The following ACTL8 variants were observed in gnomAD, a reference collection of about 807,000 sequenced individuals.
The protein encoded by ACTL8 is actin-like protein 8.
ACTL8 carries 3 observed loss-of-function variants against 9.3 expected under a neutral mutation model. The ratio of observed to expected loss-of-function variants is 0.32; its 90% CI spans 0.15 to 0.83. The LOEUF (loss-of-function observed/expected upper bound fraction) is 0.83, where lower values mean the gene tolerates loss of function less well. ACTL8 is among the 40% of genes least tolerant of loss of function. The pLI is 0.57. For synonymous variants in ACTL8, 224 were observed against 205.9 expected (o/e 1.09, Z -0.75); for missense variants, 381 against 492.2 (o/e 0.77, Z 2.14).
intron 1 of ACTL8, among the ~76,000 whole-genome samples, chr1:17,812,590 C>G (rs917492693): frequency 1.5e-5 from 2 of 132,996 alleles, no homozygotes; most frequent in African/African-American, 5.3e-5. Flanking sequence ...CCACCACGCC[C>G]TGTCAATTTT....
chr1:17,778,613 C>T (rs928290287), intron 1 of ACTL8, among the ~76,000 whole-genome samples: 2 of 152,096 alleles, frequency 1.3e-5, no homozygotes, highest in African/African-American at 4.8e-5. Context: ...GCATTCTAGT[C>T]GCACAGCTGT....
chr1:17,797,449 C>A (rs1333054192), intron 1 of ACTL8, among the ~76,000 whole-genome samples: 1 of 152,194 alleles, frequency 6.6e-6, no homozygotes, highest in East Asian at 1.9e-4. Flanking sequence ...GTTCTGCAGA[C>A]AAGAATGTTC....
At chr1:17,821,873 G>T (rs1025095519) in intron 1 of ACTL8, among the ~76,000 whole-genome samples, 1 of 152,094 alleles carries the variant, frequency 6.6e-6, no homozygotes, top group Non-Finnish European at 1.5e-5. Context: ...TGATCTGGCC[G>T]CCTTGGCCTC....
At chr1:17,760,832 G>C (rs904545412) in intron 1 of ACTL8, among the ~76,000 whole-genome samples, 2 of 152,216 alleles carry the variant, frequency 1.3e-5, no homozygotes, top group Non-Finnish European at 2.9e-5. Flanking sequence ...CTGTGCCCCA[G>C]CAAGTCAAGC....
Position 17,826,586 on chromosome 1 carries a change from A to C in ACTL8, c.*67A>C. 1 of 1,165,692 alleles carries C rather than the reference A, an allele frequency of 8.6e-7. No individual in the cohort carries two copies. Among genetic ancestry groups the C allele is most frequent in the Non-Finnish European group, 1.1e-6 (1 of 874,522 alleles). The allele number at this position is 1,165,692 out of a possible 1,614,324, so 72.2% of individuals were successfully genotyped here. A position where few individuals can be genotyped will look rare whatever the true frequency, so the allele number is the denominator to read the frequency against. On this transcript the variant is annotated 3_prime_UTR_variant, in exon 3 of 3. Coordinates refer to ENST00000375406, the MANE Select transcript of ACTL8 (RefSeq NM_030812.3). This position sits in a 1 kb window ranked among gnomAD's most constrained non-coding sequence, Gnocchi z 4.5. Reference sequence around the variant, plus strand: ...GCACGGGCGGATTAATTTTAGCAAAATGTTCTGGGTGGGGGTAGAATGAGG... The same window carrying C: ...GCACGGGCGGATTAATTTTAGCAAACTGTTCTGGGTGGGGGTAGAATGAGG...
rs184301775 is a variant in ACTL8, at chr1:17,805,158, G to A, written c.-24-17827G>A. ...CACACGGGGAAGCACCCACTTCAGG[G>A]CCTTTGCATTTGCCCAGAACCCTGC... On this transcript the variant is annotated intron_variant, in intron 1 of 2. Coordinates refer to ENST00000375406, the MANE Select transcript of ACTL8 (RefSeq NM_030812.3). Among the ~76,000 whole-genome samples, 457 of 152,030 alleles carry A rather than the reference G, an allele frequency of 3.0e-3. 5 individuals carry two copies. Among genetic ancestry groups the A allele is most frequent in the South Asian group, 0.017 (82 of 4,804 alleles).
At chr1:17,807,070 T>C (rs932758848) in intron 1 of ACTL8, among the ~76,000 whole-genome samples, 1 of 152,234 alleles carries the variant, frequency 6.6e-6, no homozygotes, top group Admixed American at 6.5e-5. Flanking sequence ...CGTTGCTGCA[T>C]CTGCACATCT....
rs770657839 is a variant in ACTL8, at chr1:17,820,264, G to A, written c.-24-2721G>A. Among the ~76,000 whole-genome samples, 11 of 152,050 alleles carry A rather than the reference G, an allele frequency of 7.2e-5. No homozygotes were observed. In the East Asian group the frequency reaches 1.4e-3, roughly 19 times the overall value. ...TGGGAATGGAGTCATACAGTTTGTCGTCTTTGGGGTCTGGCTTCTTTCAGC... is the reference window on the plus strand; with the variant it reads ...TGGGAATGGAGTCATACAGTTTGTCATCTTTGGGGTCTGGCTTCTTTCAGC... On this transcript the variant is annotated intron_variant, in intron 1 of 2. Coordinates refer to ENST00000375406, the MANE Select transcript of ACTL8 (RefSeq NM_030812.3).
intron 1 of ACTL8, among the ~76,000 whole-genome samples, chr1:17,759,705 C>T (rs954587548): frequency 1.3e-5 from 2 of 152,236 alleles, no homozygotes; most frequent in South Asian, 2.1e-4. Flanking sequence ...AGGGGCTCTG[C>T]CATAACGCTG....
intron 1 of ACTL8, among the ~76,000 whole-genome samples, chr1:17,781,684 A>G (rs2066155813): frequency 6.6e-6 from 1 of 152,068 alleles, no homozygotes; most frequent in Non-Finnish European, 1.5e-5. Context: ...GTAGACATGA[A>G]TTTTGGGGGA....
chr1:17,770,473 C>T (rs374877455), intron 1 of ACTL8, among the ~76,000 whole-genome samples: 4 of 152,164 alleles, frequency 2.6e-5, no homozygotes, highest in African/African-American at 7.2e-5. Flanking sequence ...TAAGAGCTAC[C>T]GACTTTATCA....
At position 17,767,563 on chromosome 1, in the gene ACTL8, C is replaced by A. The variant is rs879420350; in HGVS notation, c.-25+12059C>A. Reference sequence around the variant, plus strand: ...AGCCCGTGGCTGGGTGCATGGCTCCCGGGCACTGCTCTTTTGTGGCTGCCT... The same window carrying A: ...AGCCCGTGGCTGGGTGCATGGCTCCAGGGCACTGCTCTTTTGTGGCTGCCT... On this transcript the variant is annotated intron_variant, in intron 1 of 2. Coordinates refer to ENST00000375406, the MANE Select transcript of ACTL8 (RefSeq NM_030812.3). The surrounding 1 kb of genome is among the most constrained non-coding windows in gnomAD (Gnocchi z 4.7). Among the ~76,000 whole-genome samples, 3 of 152,126 alleles carry A rather than the reference C, an allele frequency of 2.0e-5. No individual in the cohort carries two copies. The East Asian group carries it at 5.8e-4, about 29-fold the overall frequency.
chr1:17,798,116 A>C (rs543987733), intron 1 of ACTL8, among the ~76,000 whole-genome samples: 90 of 129,330 alleles, frequency 7.0e-4, no homozygotes, highest in African/African-American at 2.6e-3. Flanking sequence ...TCAAGGAATT[A>C]GCTAATTAGG....
chr1:17,780,651 C>T (rs559437516), intron 1 of ACTL8, among the ~76,000 whole-genome samples: 19 of 148,206 alleles, frequency 1.3e-4, no homozygotes, highest in African/African-American at 3.5e-4. Flanking sequence ...GGGTGTGAGC[C>T]GATGGTGACT....
chr1:17,826,159 G>A lies in ACTL8; in HGVS notation c.741G>A (p.Glu247=). 1 of 1,612,782 alleles carries A rather than the reference G, an allele frequency of 6.2e-7. No individual in the cohort carries two copies. The highest frequency in any genetic ancestry group is 1.1e-5 in the South Asian group (1 of 91,080). ...TYQLPDGSRV[E]LTPMQRVAPE... ...AGCTCCCAGACGGCTCCCGCGTGGA[G>A]CTGACCCCCATGCAGCGGGTGGCTC... Residue 247 remains glutamate, a synonymous_variant, in exon 3 of 3, where the codon GAG becomes GAA. Transcript: ENST00000375406. The surrounding 1 kb of genome is among the most constrained non-coding windows in gnomAD (Gnocchi z 4.5).
Position 17,809,710 on chromosome 1 carries a change from G to A in ACTL8, c.-24-13275G>A, listed in dbSNP as rs756585394. Among the ~76,000 whole-genome samples the A allele has an allele frequency of 4.6e-5, 7 of 151,742 alleles. No homozygotes were observed. In the East Asian group the frequency reaches 5.8e-4, roughly 13 times the overall value. Reference sequence around the variant, plus strand: ...AGAATCTAATGCCCGATGATCTGTCGGTGTCTCCCATCACTCCCAGATGGG... The same window carrying A: ...AGAATCTAATGCCCGATGATCTGTCAGTGTCTCCCATCACTCCCAGATGGG... On this transcript the variant is annotated intron_variant, in intron 1 of 2. Transcript: ENST00000375406.
chr1:17,810,670 T>C (rs1225086287), intron 1 of ACTL8, among the ~76,000 whole-genome samples: 1 of 152,226 alleles, frequency 6.6e-6, no homozygotes, highest in East Asian at 1.9e-4. Flanking sequence ...CAGTCCTGTA[T>C]AGTTAACTCT....
At chr1:17,811,817 A>G (rs1474000129) in intron 1 of ACTL8, among the ~76,000 whole-genome samples, 2 of 150,462 alleles carry the variant, frequency 1.3e-5, no homozygotes, top group African/African-American at 2.4e-5. Flanking sequence ...CTACTGATCC[A>G]TGTGACTGTG....
In ACTL8 at chr1:17,823,229, A is replaced by G. The variant is rs762145077; in HGVS notation, c.221A>G (p.Asn74Ser). 1.8e-5 allele frequency: 29 copies of G among 1,614,034 alleles called. No homozygotes were observed. Among genetic ancestry groups the G allele is most frequent in the Non-Finnish European group, 2.3e-5 (27 of 1,180,040 alleles). Residue 74 changes from asparagine to serine, a missense_variant, in exon 2 of 3, where the codon AAC becomes AGC. Around this residue, in one of 3 missense-constraint regions of ACTL8, gnomAD observed 125 missense variants for 180.7 expected, o/e 0.69. Coordinates refer to ENST00000375406, the MANE Select transcript of ACTL8 (RefSeq NM_030812.3). This position sits in a 1 kb window ranked among gnomAD's most constrained non-coding sequence, Gnocchi z 5.3. ...CCCATCGAGCGGGGCCGCATCCTCA[A>G]CTGGGAGGGTGTGCAGTACCTCTGG... ...SYPIERGRIL[N>S]WEGVQYLWSF...
Sources: gnomAD v4.1 joint callset for allele counts (sites outside exome capture counted in the v4.1 genomes callset) on GRCh38, gnomAD v4.1.1 for gene constraint, gnomAD v4.1.1 regional missense constraint, Gnocchi (gnomAD v3.1) non-coding constraint, MANE v1.5 for transcripts, NCBI Gene and HGNC (gene_info 2026-07-23, HGNC 2026-07-21) for gene names.